NECTIN1: variants seen among roughly 807,000 people sequenced by gnomAD.
NECTIN1 encodes the protein nectin-1.
In NECTIN1, 23 loss-of-function variants were observed where a neutral mutation model predicts 48.0. The observed-to-expected ratio is 0.48, with a 90% confidence interval of 0.34 to 0.68. The LOEUF is 0.68. Among genes scored for constraint, NECTIN1 ranks in the 30% least tolerant of loss-of-function variants. The probability of loss-of-function intolerance (pLI) is 0.01; values close to 1 mark genes in which losing one functional copy is unlikely to be tolerated. For missense variants in NECTIN1, 591 were observed against 709.9 expected, an observed-to-expected ratio of 0.83 and a Z score of 1.90; for synonymous variants, 270 against 288.9, an observed-to-expected ratio of 0.93 and a Z score of 0.66.
chr11:119,720,690 G>T (rs949335316), intron 1 of NECTIN1, among the ~76,000 whole-genome samples: 3 of 152,236 alleles, frequency 2.0e-5, no homozygotes, highest in Admixed American at 2.0e-4. Flanking sequence ...TGACCAGCAG[G>T]TATGCAGGCT....
At chr11:119,710,104 G>A (rs1009989954) in intron 1 of NECTIN1, 2 of 152,210 alleles carry the variant, frequency 1.3e-5, no homozygotes, top group African/African-American at 4.8e-5. Flanking sequence ...GGGGCGTGGT[G>A]CTGAGGGAAT....
chr11:119,697,252 CTTTTA>C (rs1726396712), intron 1 of NECTIN1, among the ~76,000 whole-genome samples: 1 of 150,638 alleles, frequency 6.6e-6, no homozygotes, highest in Non-Finnish European at 1.5e-5. Context: ...ATTATTTTTT[CTTTTA>C]TGAGATGTGA....
chr11:119,716,776 G>C (rs138762886), intron 1 of NECTIN1, among the ~76,000 whole-genome samples: 2 of 152,236 alleles, frequency 1.3e-5, no homozygotes, highest in Non-Finnish European at 2.9e-5. Flanking sequence ...AACCCCAGGA[G>C]GGGGGTGAGG....
chr11:119,686,893 A>G (rs1267390171), intron 1 of NECTIN1, among the ~76,000 whole-genome samples: 1 of 152,164 alleles, frequency 6.6e-6, no homozygotes, highest in Non-Finnish European at 1.5e-5. Flanking sequence ...CAGGACTTGA[A>G]TGAACCCAGT....
chr11:119,640,113 C>T (rs1400913444), intron 5 of NECTIN1: 4 of 1,300,510 alleles, frequency 3.1e-6, no homozygotes, highest in African/African-American at 1.5e-5. Context: ...AGTACTCTGC[C>T]TTTGACATTG....
intron 4 of NECTIN1, 196 bp downstream of exon 4, chr11:119,676,906 C>A (rs1319579199): frequency 1.6e-6 from 1 of 628,036 alleles, no homozygotes; most frequent in Non-Finnish European, 2.9e-6. Context: ...TTGACCTTGA[C>A]ACTGTCACAC....
intron 1 of NECTIN1, among the ~76,000 whole-genome samples, chr11:119,695,831 T>G (rs902787777): frequency 5.9e-5 from 9 of 152,146 alleles, no homozygotes; most frequent in Middle Eastern, 3.2e-3. Context: ...CAAGTGCTGA[T>G]CCCATCACGC....
chr11:119,682,342 T>C (rs1313310352), intron 1 of NECTIN1, among the ~76,000 whole-genome samples: 1 of 152,096 alleles, frequency 6.6e-6, no homozygotes, highest in African/African-American at 2.4e-5. Flanking sequence ...GGCAGCCTGC[T>C]CCAGGGACAG....
chr11:119,723,216 CAAAAAAA>C (rs34528775), intron 1 of NECTIN1, among the ~76,000 whole-genome samples: 4 of 59,234 alleles, frequency 6.8e-5, no homozygotes, highest in South Asian at 1.0e-3. Flanking sequence ...GACTCTGTCT[CAAAAAAA>C]AAAAAAAAAA....
intron 5 of NECTIN1, chr11:119,640,084 G>A (rs185577694): frequency 3.1e-5 from 45 of 1,462,224 alleles, no homozygotes; most frequent in Non-Finnish European, 4.1e-5. Flanking sequence ...AGAGATGTGA[G>A]AGAGTCAGAC....
At position 119,672,543 on chromosome 11, in the gene NECTIN1, C is replaced by T. The variant is rs1412635542; in HGVS notation, c.1003+2616G>A. 2.0e-5 allele frequency among the ~76,000 whole-genome samples: 3 copies of T among 152,174 alleles called. No homozygotes were observed. Among genetic ancestry groups the T allele is most frequent in the Non-Finnish European group, 4.4e-5 (3 of 68,028 alleles). On this transcript the variant is annotated intron_variant, in intron 5 of 5. Coordinates refer to ENST00000264025, the MANE Select transcript of NECTIN1 (RefSeq NM_002855.5). This position sits in a 1 kb window ranked among gnomAD's most constrained non-coding sequence, Gnocchi z 4.3. The stretch of plus-strand genomic sequence containing the variant: ...CCATCGCCACAGCCACAGCCTGGGC[C>T]TGTTGTTTCCCACTAGGGACTCACT...
At position 119,673,200 on chromosome 11, in the gene NECTIN1, T is replaced by C. The variant is rs1351672592; in HGVS notation, c.1003+1959A>G. Among the ~76,000 whole-genome samples the C allele has an allele frequency of 6.6e-6, 1 of 152,070 alleles. No homozygotes were observed. Among genetic ancestry groups the C allele is most frequent in the Non-Finnish European group, 1.5e-5 (1 of 67,994 alleles). On this transcript the variant is annotated intron_variant, in intron 5 of 5. Coordinates refer to ENST00000264025, the MANE Select transcript of NECTIN1 (RefSeq NM_002855.5). This position sits in a 1 kb window ranked among gnomAD's most constrained non-coding sequence, Gnocchi z 5.8. Reference sequence around the variant, plus strand: ...GTGAGGTCAGCTGCTGCTTGGAAATTGCCTGAGAGCACAAGAACAAACAGC... The same window carrying C: ...GTGAGGTCAGCTGCTGCTTGGAAATCGCCTGAGAGCACAAGAACAAACAGC...
At position 119,677,305 on chromosome 11, in the gene NECTIN1, G is replaced by A. The variant is rs1864970330; in HGVS notation, c.734-86C>T. 2.4e-6 allele frequency: 3 copies of A among 1,244,398 alleles called. No homozygotes were observed. The highest frequency in any genetic ancestry group is 1.7e-5 in the Admixed American group (1 of 59,476). 77.1% of individuals were successfully genotyped at this position (1,244,398 alleles called of 1,614,324 possible). ...AACTTCAGCCAGGAAGGGATGGAAG[G>A]AGCAGTGGCATGGAAACAGCCAGGA... On this transcript the variant is annotated intron_variant, in intron 3 of 5. Transcript: ENST00000264025. This position sits in a 1 kb window ranked among gnomAD's most constrained non-coding sequence, Gnocchi z 5.4.
Position 119,664,495 on chromosome 11 carries a change from A to C in NECTIN1, c.*252T>G. The C allele has an allele frequency of 7.4e-7, 1 of 1,357,858 alleles. No homozygotes were observed. The highest frequency in any genetic ancestry group is 9.5e-7 in the Non-Finnish European group (1 of 1,056,486). The allele number at this position is 1,357,858 out of a possible 1,614,324, so 84.1% of individuals were successfully genotyped here. ...GCAGGCAGGTGGGGCCCGTAAAGGG[A>C]AGATACAGTAACACTAAAGCCACAG... is the stretch of plus-strand genomic sequence containing the variant. On this transcript the variant is annotated 3_prime_UTR_variant, in exon 6 of 6. Coordinates refer to ENST00000264025, the MANE Select transcript of NECTIN1 (RefSeq NM_002855.5).
chr11:119,668,106 A>T (rs750045467), intron 5 of NECTIN1, among the ~76,000 whole-genome samples: 1 of 152,144 alleles, frequency 6.6e-6, no homozygotes, highest in Non-Finnish European at 1.5e-5. Context: ...AGGTGGACAC[A>T]TTAGAAAAAC....
chr11:119,672,498 G>A lies in NECTIN1; in HGVS notation c.1003+2661C>T, dbSNP rs887430199. On this transcript the variant is annotated intron_variant, in intron 5 of 5. Transcript: ENST00000264025. The surrounding 1 kb of genome is among the most constrained non-coding windows in gnomAD (Gnocchi z 4.3). ...ACGGAAGCACACACAGATTCTGTCC[G>A]GTCCATCTCCTCGGTGCCCCCATCG... Among the ~76,000 whole-genome samples the A allele has an allele frequency of 1.1e-4, 17 of 152,134 alleles. No homozygotes were observed. The East Asian group carries it at 1.7e-3, about 16-fold the overall frequency.
chr11:119,701,991 G>A (rs148691383), intron 1 of NECTIN1, among the ~76,000 whole-genome samples: 116 of 152,326 alleles, frequency 7.6e-4, no homozygotes, highest in Non-Finnish European at 1.4e-3. Flanking sequence ...GCAAGCTGAC[G>A]TTGACTCATT....
chr11:119,677,577 T>C lies in NECTIN1; in HGVS notation c.711A>G (p.Glu237=). ...IVNYHMDRFK[E]SLTLNVQYEP... ...CACACTGCACGTTGAGAGTGAGGCT[T>C]TCCTTGAAGCGGTCCATGTGGTAGT... Residue 237 remains glutamate, a synonymous_variant, in exon 3 of 6, where the codon GAA becomes GAG. Coordinates refer to ENST00000264025, the MANE Select transcript of NECTIN1 (RefSeq NM_002855.5). The surrounding 1 kb of genome is among the most constrained non-coding windows in gnomAD (Gnocchi z 5.4). The C allele has an allele frequency of 6.2e-7, 1 of 1,612,728 alleles. No individual in the cohort carries two copies. Among genetic ancestry groups the C allele is most frequent in the Non-Finnish European group, 8.5e-7 (1 of 1,179,998 alleles).
At chr11:119,698,027 G>C (rs548234476) in intron 1 of NECTIN1, among the ~76,000 whole-genome samples, 5 of 152,250 alleles carry the variant, frequency 3.3e-5, no homozygotes, top group Non-Finnish European at 7.3e-5. Flanking sequence ...TGGCATGGCA[G>C]AGCTCTCAAT....
Sources: allele counts gnomAD v4.1 joint callset (sites outside exome capture counted in the v4.1 genomes callset), GRCh38; gene constraint gnomAD v4.1.1; non-coding constraint Gnocchi (gnomAD v3.1); transcripts MANE v1.5; gene names NCBI Gene and HGNC (gene_info 2026-07-23, HGNC 2026-07-21).